GARS1: variants seen among roughly 807,000 people sequenced by gnomAD.
GARS1 encodes glycyl-tRNA synthetase 1.
GARS1 carries 46 observed loss-of-function variants against 86.4 expected under a neutral mutation model. The observed-to-expected ratio is 0.53, with a 90% confidence interval of 0.42 to 0.68. GARS1 has a LOEUF of 0.68. Ranked by LOEUF, GARS1 falls within the 30% of genes least tolerant of loss-of-function variation. The pLI is 0.00. For synonymous variants in GARS1, 342 were observed against 329.8 expected (o/e 1.04, Z -0.40); for missense variants, 797 against 915.6 (o/e 0.87, Z 1.67).
chr7:30,606,707 C>T (rs1225543441), intron 6 of GARS1, among the ~76,000 whole-genome samples: 1 of 152,166 alleles, frequency 6.6e-6, no homozygotes, highest in Admixed American at 6.5e-5. Context: ...TATACATTTC[C>T]TGTCCCAGAC....
intron 1 of GARS1, chr7:30,595,984 C>T (rs10265589): frequency 0.54 from 241,030 of 445,294 alleles, 71,795 homozygotes; most frequent in Non-Finnish European, 0.65. Context: ...ATATAGACCT[C>T]CTTTTCCTAG....
upstream of GARS1, chr7:30,594,844 AT>A (rs1423965319): frequency 5.4e-6 from 7 of 1,286,026 alleles, no homozygotes; most frequent in East Asian, 1.3e-4. Context: ...TTACGCGGCG[AT>A]TTCATCATGC....
chr7:30,612,697 T>A (rs1157526084), intron 8 of GARS1, among the ~76,000 whole-genome samples: 2 of 152,114 alleles, frequency 1.3e-5, no homozygotes, highest in African/African-American at 4.8e-5. Context: ...GATGTATCAG[T>A]AACCAACTGG....
intron 8 of GARS1, among the ~76,000 whole-genome samples, chr7:30,615,603 AG>A (rs1478186439): frequency 6.6e-6 from 1 of 152,230 alleles, no homozygotes; most frequent in Non-Finnish European, 1.5e-5. Context: ...TATTTTAAAT[AG>A]TGAGTAATAA....
intron 14 of GARS1, among the ~76,000 whole-genome samples, chr7:30,629,570 A>G (rs1215744647): frequency 6.6e-6 from 1 of 152,248 alleles, no homozygotes; most frequent in East Asian, 1.9e-4. Flanking sequence ...GAGTGTACGT[A>G]ATGTTAGACA....
chr7:30,601,139 A>T lies in GARS1; in HGVS notation c.508A>T (p.Ile170Phe). ...NIIQTWRQHF[I>F]QEEQILEIDC... ...TATTCAGACCTGGAGGCAGCACTTT[A>T]TCCAAGAGGAACAGATCCTGGAGAT... Residue 170 changes from isoleucine (I) to phenylalanine (F), a missense_variant, in exon 4 of 17, where the codon ATC becomes TTC. By Grantham distance (21) the Ile-to-Phe change is conservative. This residue lies in a region of GARS1 where 598 missense variants were observed against 738.7 expected (regional missense o/e 0.81). Transcript: ENST00000389266. The T allele has an allele frequency of 6.2e-7, 1 of 1,614,172 alleles. No homozygotes were observed. Among genetic ancestry groups the T allele is most frequent in the Non-Finnish European group, 8.5e-7 (1 of 1,180,002 alleles).
chr7:30,614,680 T>C (rs1177469640), intron 8 of GARS1, among the ~76,000 whole-genome samples: 1 of 151,920 alleles, frequency 6.6e-6, no homozygotes, highest in Non-Finnish European at 1.5e-5. Flanking sequence ...ATTGAGGCCA[T>C]CCTGGCTAAC....
chr7:30,624,684 A>T (rs762107594), intron 12 of GARS1, among the ~76,000 whole-genome samples: 4 of 152,238 alleles, frequency 2.6e-5, no homozygotes, highest in Non-Finnish European at 5.9e-5. Flanking sequence ...ATAAGAAAAA[A>T]TATTCCACAA....
chr7:30,616,293 G>A (rs1013961710), intron 9 of GARS1, among the ~76,000 whole-genome samples: 1 of 152,142 alleles, frequency 6.6e-6, no homozygotes, highest in Non-Finnish European at 1.5e-5. Flanking sequence ...GTTTAGCAGA[G>A]CACTTGGAAA....
Position 30,619,469 on chromosome 7 carries a change from A to G in GARS1, c.1360-1924A>G, listed in dbSNP as rs184592732. Among the ~76,000 whole-genome samples, 28 of 152,248 alleles carry G rather than the reference A, an allele frequency of 1.8e-4. 1 individual carries two copies. In the East Asian group the frequency reaches 5.4e-3, roughly 29 times the overall value. On this transcript the variant is annotated intron_variant, in intron 10 of 16. Coordinates refer to ENST00000389266, the MANE Select transcript of GARS1 (RefSeq NM_002047.4). ...ATCCAGAGAAGTAACCACTATCCCA[A>G]TGTTGTTATTCTCAGGCACGTTTTT...
rs755138620 is a variant in GARS1, at chr7:30,633,906, A to G, written c.*46A>G. The stretch of plus-strand genomic sequence containing the variant: ...GACCACTTGCGCTAATAAAAAAAAA[A>G]AAAAACTACTCTTATGTCCACTTTA... On this transcript the variant is annotated 3_prime_UTR_variant, in exon 17 of 17. Transcript: ENST00000389266. 8 of 1,599,972 alleles carry G rather than the reference A, an allele frequency of 5.0e-6. No individual in the cohort carries two copies. The highest frequency in any genetic ancestry group is 1.3e-5 in the African/African-American group (1 of 74,266).
rs1298630963 is a variant in GARS1 at position 30,595,007 on chromosome 7, C to T, written c.86C>T (p.Ser29Leu). 6.9e-6 allele frequency: 11 copies of T among 1,585,038 alleles called. No homozygotes were observed. The highest frequency in any genetic ancestry group is 1.1e-5 in the South Asian group (1 of 88,574). The change falls in exon 1 of 17, where the codon TCG (serine) becomes TTG (leucine). Residue 29 changes from serine (S) to leucine (L), a missense_variant. Transcript: ENST00000389266. The part of the protein sequence containing the change: ...LLPPRLLARP[S>L]LLLRRSLSAA... ...CCGCCCCGGCTCTTAGCCCGACCCT[C>T]GCTCCTGCTCCGCCGGTCCCTCAGC... is the stretch of plus-strand genomic sequence containing the variant.
intron 1 of GARS1, among the ~76,000 whole-genome samples, chr7:30,597,428 G>A (rs1432609534): frequency 6.6e-6 from 1 of 152,114 alleles, no homozygotes; most frequent in Non-Finnish European, 1.5e-5. Flanking sequence ...TATCCGAAAC[G>A]GCTTTTAAAA....
At chr7:30,618,678 G>A (rs1207008108) in intron 10 of GARS1, among the ~76,000 whole-genome samples, 1 of 152,094 alleles carries the variant, frequency 6.6e-6, no homozygotes, top group East Asian at 1.9e-4. Context: ...CATGGTCTTG[G>A]GTATGTCTGC....
intron 10 of GARS1, among the ~76,000 whole-genome samples, chr7:30,619,952 A>G (rs1782970459): frequency 6.6e-6 from 1 of 151,250 alleles, no homozygotes; most frequent in African/African-American, 2.4e-5. Context: ...TAATTTTTGT[A>G]TTTTCATGAA....
chr7:30,616,915 T>G (rs1584039070), intron 9 of GARS1, among the ~76,000 whole-genome samples, 199 bp from the exon 10 acceptor site: 1 of 152,204 alleles, frequency 6.6e-6, no homozygotes, highest in East Asian at 1.9e-4. Flanking sequence ...TATCATCATC[T>G]TGACATTAAC....
chr7:30,604,395 C>T (rs1267160631), intron 6 of GARS1, among the ~76,000 whole-genome samples: 1 of 152,140 alleles, frequency 6.6e-6, no homozygotes, highest in East Asian at 1.9e-4. Context: ...AAACAAAAAA[C>T]CAATACTGTG....
intron 8 of GARS1, among the ~76,000 whole-genome samples, chr7:30,615,531 A>G (rs933028443): frequency 1.3e-5 from 2 of 152,238 alleles, no homozygotes; most frequent in Admixed American, 6.5e-5. Context: ...GTTAAAAGTA[A>G]TAATCTTTTT....
intron 6 of GARS1, among the ~76,000 whole-genome samples, chr7:30,606,899 G>A (rs1443464244): frequency 6.6e-6 from 1 of 152,088 alleles, no homozygotes; most frequent in Non-Finnish European, 1.5e-5. Flanking sequence ...GGTTTATAGG[G>A]TTTTTACTAT....
Sources: allele counts gnomAD v4.1 joint callset (sites outside exome capture counted in the v4.1 genomes callset), GRCh38; gene constraint gnomAD v4.1.1; regional missense constraint gnomAD v4.1.1; transcripts MANE v1.5; gene names NCBI Gene and HGNC (gene_info 2026-07-23, HGNC 2026-07-21).